Variants in ERMAP observed in about 807,000 individuals in gnomAD.
The protein encoded by ERMAP is erythroblast membrane associated protein (Scianna blood group), also known as erythroid membrane-associated protein.
A neutral mutation model predicts 49.5 loss-of-function variants in ERMAP; 34 were observed. That is an observed-to-expected ratio of 0.69 (90% CI 0.52 to 0.91). The LOEUF is 0.91. Ranked by LOEUF, ERMAP falls within the 40% of genes least tolerant of loss-of-function variation. ERMAP has a pLI of 0.00. For missense variants in ERMAP, 541 were observed against 582.6 expected (o/e 0.93, Z 0.74); for synonymous variants, 214 against 232.2 (o/e 0.92, Z 0.71).
intron 11 of ERMAP, among the ~76,000 whole-genome samples, chr1:42,841,503 G>A (rs1655056021): frequency 6.6e-6 from 1 of 152,118 alleles, no homozygotes; most frequent in Admixed American, 6.6e-5. Flanking sequence ...TCCATCCTGG[G>A]AAACATAGTG....
At chr1:42,824,133 A>G (rs7538928) in intron 1 of ERMAP, among the ~76,000 whole-genome samples, 29,111 of 151,964 alleles carry the variant, frequency 0.19, 3,472 homozygotes, top group Non-Finnish European at 0.25. Context: ...TCACAAGGTC[A>G]GGAGATCAAG....
intron 1 of ERMAP, among the ~76,000 whole-genome samples, chr1:42,823,820 T>G (rs972067378): frequency 1.3e-5 from 2 of 152,250 alleles, no homozygotes; most frequent in East Asian, 3.8e-4. Context: ...CTACTACAGT[T>G]TGGTGCCACT....
At position 42,842,774 on chromosome 1, in the gene ERMAP, C is replaced by A; in HGVS notation, c.970C>A (p.Pro324Thr). The A allele has an allele frequency of 3.1e-6, 5 of 1,614,160 alleles. No individual in the cohort carries two copies. The highest frequency in any genetic ancestry group is 4.2e-6 in the Non-Finnish European group (5 of 1,180,030). ...CAGGAAGGGGAAGGTTACTGCCTCACCTGCCAATGGACACTGGCTTCTGCG... is the reference window on the plus strand; with the variant it reads ...CAGGAAGGGGAAGGTTACTGCCTCAACTGCCAATGGACACTGGCTTCTGCG... ...VSRKGKVTASPANGHWLLRQS... is the reference protein window; with the variant it reads ...VSRKGKVTASTANGHWLLRQS... Residue 324 changes from proline to threonine, a missense_variant, in exon 12 of 12, where the codon CCT (proline) becomes ACT (threonine). Transcript: ENST00000372517.
intron 6 of ERMAP, 64 bp from the exon 7 acceptor site, chr1:42,837,094 T>C (rs534919632): frequency 3.2e-6 from 5 of 1,573,368 alleles, no homozygotes; most frequent in East Asian, 4.5e-5. Context: ...GTAAAATCAA[T>C]AGGAATCAGG....
chr1:42,839,757 G>C, intron 8 of ERMAP: 1 of 533,956 alleles, frequency 1.9e-6, no homozygotes, highest in Non-Finnish European at 3.3e-6. Context: ...CATAATTTAT[G>C]TTGTCATTAC....
In ERMAP at chr1:42,835,769, G is replaced by T. The variant is rs756306834; in HGVS notation, c.583+5G>T. On this transcript the variant is annotated splice_donor_5th_base_variant and intron_variant, in intron 6 of 11. Transcript: ENST00000372517. ...ATGAACATGTGACGGAGGTGGGTAA[G>T]TGTTCTTGGCTGGGGGGCAGGGGAG... 6.2e-7 allele frequency: 1 copy of T among 1,608,936 alleles called. No homozygotes were observed. Among genetic ancestry groups the T allele is most frequent in the Non-Finnish European group, 8.5e-7 (1 of 1,177,814 alleles).
At chr1:42,826,398 A>G (rs75790032) in intron 2 of ERMAP, among the ~76,000 whole-genome samples, 1,613 of 152,082 alleles carry the variant, frequency 0.011, 29 homozygotes, top group African/African-American at 0.037. Flanking sequence ...TTTTTAAATG[A>G]TAATATCCAG....
Position 42,843,452 on chromosome 1 carries a change from T to G in ERMAP, c.*220T>G. On this transcript the variant is annotated 3_prime_UTR_variant, in exon 12 of 12. Coordinates refer to ENST00000372517, the MANE Select transcript of ERMAP (RefSeq NM_001017922.2). The stretch of plus-strand genomic sequence containing the variant: ...CCCAGTGACCTGGAGGGAGGATTCC[T>G]GGAAACCAAACAATCAGTTTAGGTG... 2.2e-6 allele frequency: 1 copy of G among 460,734 alleles called. No individual in the cohort carries two copies. The highest frequency in any genetic ancestry group is 3.8e-6 in the Non-Finnish European group (1 of 263,090). 28.5% of individuals were successfully genotyped at this position (460,734 alleles called of 1,614,324 possible). A position where few individuals can be genotyped will look rare whatever the true frequency, so the allele number is the denominator to read the frequency against.
rs371514846 is a variant in ERMAP, at chr1:42,843,143, C to A, written c.1339C>A (p.Pro447Thr). 4 of 1,614,060 alleles carry A rather than the reference C, an allele frequency of 2.5e-6. No homozygotes were observed. In the African/African-American group the frequency reaches 5.3e-5, roughly 22 times the overall value. ...SLKVNSSLLPPKAPELKDIIL... is the reference protein window; with the variant it reads ...SLKVNSSLLPTKAPELKDIIL... ...CAAGGTGAACTCTTCTTTACTACCC[C>A]CGAAGGCCCCAGAGCTGAAGGATAT... The change falls in exon 12 of 12, where the codon CCG becomes ACG. Residue 447 changes from proline to threonine, a missense_variant. Physicochemically the swap from Pro to Thr is conservative, Grantham distance 38 (BLOSUM62 -1). Transcript: ENST00000372517.
chr1:42,826,998 G>A (rs1040416453), intron 2 of ERMAP, among the ~76,000 whole-genome samples: 7 of 152,002 alleles, frequency 4.6e-5, no homozygotes, highest in Non-Finnish European at 7.4e-5. Flanking sequence ...CAACCTAAAT[G>A]TCCTCAATAT....
Position 42,817,205 on chromosome 1 carries a change from C to T in ERMAP, c.-170C>T. On this transcript the variant is annotated 5_prime_UTR_variant, in exon 1 of 12. Transcript: ENST00000372517. ...GAGTCTGTACCTTTCCCGACCGGGC[C>T]ACTGGAAGTTGGAGCCTCCGCCGAG... 3.2e-6 allele frequency: 4 copies of T among 1,256,298 alleles called. No individual in the cohort carries two copies. The highest frequency in any genetic ancestry group is 4.1e-6 in the Non-Finnish European group (4 of 974,138). The allele number at this position is 1,256,298 out of a possible 1,614,324, so 77.8% of individuals were successfully genotyped here.
chr1:42,817,296 G>A (rs928085819), intron 1 of ERMAP, 43 bp downstream of exon 1: 9 of 1,199,888 alleles, frequency 7.5e-6, no homozygotes, highest in Admixed American at 2.8e-5. Context: ...AGCGCTGCCT[G>A]CCCACCGCCC....
intron 2 of ERMAP, among the ~76,000 whole-genome samples, chr1:42,825,965 T>A (rs1211027416): frequency 6.6e-6 from 1 of 152,230 alleles, no homozygotes; most frequent in Non-Finnish European, 1.5e-5. Flanking sequence ...GTCATCATTA[T>A]TAAATTAAAG....
At chr1:42,837,248 T>A in intron 7 of ERMAP, 58 bp downstream of exon 7, 1 of 1,546,758 alleles carries the variant, frequency 6.5e-7, no homozygotes. Context: ...TATTTTTCTA[T>A]GTAAATGTTG....
chr1:42,828,773 T>C (rs1207699682), intron 2 of ERMAP, among the ~76,000 whole-genome samples: 1 of 152,114 alleles, frequency 6.6e-6, no homozygotes, highest in Non-Finnish European at 1.5e-5. Context: ...TGCAGGGTTA[T>C]AGGCATGAGC....
intron 4 of ERMAP, 134 bp downstream of exon 4, chr1:42,831,249 C>G: frequency 9.0e-7 from 1 of 1,113,866 alleles, no homozygotes; most frequent in Non-Finnish European, 1.3e-6. Context: ...ATGGCTCAGC[C>G]TTACCCAGCC....
intron 3 of ERMAP, 34 bp from the exon 4 acceptor site, chr1:42,830,734 C>T (rs1288810264): frequency 6.7e-7 from 1 of 1,493,516 alleles, no homozygotes; most frequent in Non-Finnish European, 8.9e-7. Flanking sequence ...TCCTGCCGTC[C>T]CTCCCAGTTG....
At chr1:42,830,347 C>A in intron 2 of ERMAP, 97 bp from the exon 3 acceptor site, 1 of 1,033,998 alleles carries the variant, frequency 9.7e-7, no homozygotes, top group Non-Finnish European at 1.5e-6. Flanking sequence ...GATCCCAGAG[C>A]ACCAGCAATA....
At chr1:42,835,886 G>A in intron 6 of ERMAP, 122 bp downstream of exon 6, 7 of 1,443,364 alleles carry the variant, frequency 4.8e-6, no homozygotes, top group Admixed American at 2.9e-5. Context: ...CCTTGGTGAT[G>A]GTGGCAATGT....
Sources: allele counts gnomAD v4.1 joint callset (sites outside exome capture counted in the v4.1 genomes callset), GRCh38; gene constraint gnomAD v4.1.1; transcripts MANE v1.5; gene names NCBI Gene and HGNC (gene_info 2026-07-23, HGNC 2026-07-21).